SNX25: variants seen among roughly 807,000 people sequenced by gnomAD.
SNX25 encodes the protein sorting nexin 25, also known as sorting nexin-25.
Under a neutral mutation model 113.7 loss-of-function variants are expected in SNX25, and 62 were observed. That is an observed-to-expected ratio of 0.55 (90% CI 0.44 to 0.67). The LOEUF is 0.67. SNX25 is among the 30% of genes least tolerant of loss of function. SNX25 has a pLI of 0.00. For synonymous variants in SNX25, 421 were observed against 436.2 expected (o/e 0.97, Z 0.43); for missense variants, 1,014 against 1,161.0 (o/e 0.87, Z 1.84).
At position 185,258,928 on chromosome 4, in the gene SNX25, C is replaced by T. The variant is rs1432631488; in HGVS notation, c.595C>T (p.Leu199Phe). 1 of 1,614,124 alleles carries T rather than the reference C, an allele frequency of 6.2e-7. No homozygotes were observed. Among genetic ancestry groups the T allele is most frequent in the South Asian group, 1.1e-5 (1 of 91,078 alleles). ...AGATGAGGGACAACTTTACCATCTG[C>T]TCTTGGAAGACTTTTGGGAAATTGC... ...SRDEGQLYHL[L>F]LEDFWEIARQ... The change falls in exon 3 of 19, where the codon CTC becomes TTC. Residue 199 changes from leucine to phenylalanine, a missense_variant. By Grantham distance (22) the Leu-to-Phe change is conservative. Transcript: ENST00000652585.
chr4:185,268,719 C>T (rs912606673), intron 5 of SNX25, among the ~76,000 whole-genome samples: 10 of 152,062 alleles, frequency 6.6e-5, no homozygotes, highest in Admixed American at 3.9e-4. Context: ...TTTTCTGATT[C>T]GAATAAAGCA....
At position 185,209,979 on chromosome 4, in the gene SNX25, C is replaced by T. The variant is rs1313951737; in HGVS notation, c.153C>T (p.Ala51=). The T allele has an allele frequency of 3.1e-6, 3 of 983,486 alleles. No individual in the cohort carries two copies. Among genetic ancestry groups the T allele is most frequent in the Non-Finnish European group, 3.6e-6 (3 of 829,090 alleles). 60.9% of individuals were successfully genotyped at this position (983,486 alleles called of 1,614,324 possible). ...CAGCAGCAGCGGCGGCGCCGGGGGC[C>T]CCGGGCGGCCGGAGCTGGTGGAAGC... ...AEAAAAAAPG[A]PGGRSWWKPV... The change falls in exon 1 of 19, where the codon GCC becomes GCT. Residue 51 remains alanine (A), a synonymous_variant. Coordinates refer to ENST00000652585, the MANE Select transcript of SNX25 (RefSeq NM_001378034.2). The surrounding 1 kb of genome is among the most constrained non-coding windows in gnomAD (Gnocchi z 5.2).
At chr4:185,295,755 G>A (rs1223374222) in intron 6 of SNX25, 2 of 152,154 alleles carry the variant, frequency 1.3e-5, no homozygotes, top group Non-Finnish European at 2.9e-5. Flanking sequence ...CCTGGCAAGT[G>A]TTTTTGAATC....
At position 185,210,518 on chromosome 4, in the gene SNX25, C is replaced by T. The variant is rs1413327745; in HGVS notation, c.429+263C>T. ...ACTGGGCTCTGTAGTCACTCGACAA[C>T]CATCCTCAGTCACAACCCTAAGGGT... is the stretch of plus-strand genomic sequence containing the variant. On this transcript the variant is annotated intron_variant, in intron 1 of 18. Transcript: ENST00000652585. This position sits in a 1 kb window ranked among gnomAD's most constrained non-coding sequence, Gnocchi z 4.4. Among the ~76,000 whole-genome samples the T allele has an allele frequency of 6.6e-6, 1 of 152,198 alleles. No individual in the cohort carries two copies. Among genetic ancestry groups the T allele is most frequent in the East Asian group, 1.9e-4 (1 of 5,182 alleles).
intron 9 of SNX25, among the ~76,000 whole-genome samples, chr4:185,331,967 A>G (rs1021195626): frequency 6.6e-6 from 1 of 152,252 alleles, no homozygotes; most frequent in Admixed American, 6.5e-5. Flanking sequence ...AGTGCCCTGC[A>G]TTGCTGTTGC....
intron 3 of SNX25, among the ~76,000 whole-genome samples, chr4:185,263,414 C>G (rs1257221525): frequency 6.6e-6 from 1 of 152,158 alleles, no homozygotes; most frequent in East Asian, 1.9e-4. Flanking sequence ...TTTAAAAAGT[C>G]AGCGTATCAG....
Position 185,342,026 on chromosome 4 carries a change from C to T in SNX25, c.2097C>T (p.Ser699=), listed in dbSNP as rs931748990. The part of the protein sequence containing the change: ...EQLPCYFVMV[S]LQEVGGVETK... ...TGCCATGTTACTTTGTCATGGTAAGCCTACAAGAAGTTGGAGGAGTTGAAA... is the reference window on the plus strand; with the variant it reads ...TGCCATGTTACTTTGTCATGGTAAGTCTACAAGAAGTTGGAGGAGTTGAAA... The change falls in exon 12 of 19, where the codon AGC becomes AGT. Residue 699 remains serine, a synonymous_variant. Coordinates refer to ENST00000652585, the MANE Select transcript of SNX25 (RefSeq NM_001378034.2). The T allele has an allele frequency of 1.9e-5, 30 of 1,611,218 alleles. 1 individual carries two copies. The highest frequency in any genetic ancestry group is 3.3e-4 in the Middle Eastern group (2 of 6,070).
intron 9 of SNX25, among the ~76,000 whole-genome samples, chr4:185,326,563 A>G (rs1396141449): frequency 6.6e-6 from 1 of 152,204 alleles, no homozygotes; most frequent in Non-Finnish European, 1.5e-5. Context: ...TATAATTACT[A>G]CTGATAACAT....
In SNX25 at chr4:185,210,397, C is replaced by T. The variant is rs1359812588; in HGVS notation, c.429+142C>T. The T allele has an allele frequency of 4.7e-6, 4 of 845,596 alleles. No individual in the cohort carries two copies. Among genetic ancestry groups the T allele is most frequent in the East Asian group, 1.2e-4 (1 of 8,670 alleles). 52.4% of individuals were successfully genotyped at this position (845,596 alleles called of 1,614,324 possible). On this transcript the variant is annotated intron_variant, in intron 1 of 18. Transcript: ENST00000652585. This position sits in a 1 kb window ranked among gnomAD's most constrained non-coding sequence, Gnocchi z 4.4. ...GAGCCAGGGGGCTGGGCTGCGGGCC[C>T]GGCCGTGGACGCGAGCGTTCCCCGG...
intron 1 of SNX25, among the ~76,000 whole-genome samples, chr4:185,213,481 T>C (rs1738264853): frequency 6.6e-6 from 1 of 152,184 alleles, no homozygotes; most frequent in Non-Finnish European, 1.5e-5. Context: ...TTAGAAAAAC[T>C]TGGACTCTTG....
rs532296768 is a variant in SNX25, at chr4:185,346,825, C to T, written c.2301+175C>T. Among the ~76,000 whole-genome samples the T allele has an allele frequency of 5.5e-4, 84 of 152,112 alleles. 1 individual carries two copies. Among genetic ancestry groups the T allele is most frequent in the African/African-American group, 1.9e-3 (80 of 41,482 alleles). On this transcript the variant is annotated intron_variant, in intron 13 of 18. Transcript: ENST00000652585. Reference sequence around the variant, plus strand: ...AGGAAAATACACATATAAAAATACACGTAAGTGTATAACTGTCTCCGTTTC... The same window carrying T: ...AGGAAAATACACATATAAAAATACATGTAAGTGTATAACTGTCTCCGTTTC...
chr4:185,287,989 T>C (rs186105750), intron 5 of SNX25, 23 bp from the exon 6 acceptor site: 64 of 1,581,428 alleles, frequency 4.0e-5, no homozygotes, highest in Admixed American at 3.1e-4. Flanking sequence ...TAAATCTTTT[T>C]CTTTTCTCTT....
intron 6 of SNX25, among the ~76,000 whole-genome samples, chr4:185,301,389 T>TA (rs1250632683): frequency 2.0e-5 from 3 of 152,158 alleles, no homozygotes; most frequent in Non-Finnish European, 4.4e-5. Flanking sequence ...ACTTTTTTTT[T>TA]ATTACCTTTG....
chr4:185,327,667 T>C (rs957731667), intron 9 of SNX25, among the ~76,000 whole-genome samples: 2 of 152,234 alleles, frequency 1.3e-5, no homozygotes, highest in African/African-American at 4.8e-5. Flanking sequence ...GAAACAAAGA[T>C]GGTAACAGTC....
rs543365899 is a variant in SNX25, at chr4:185,336,753, G to A, written c.1915-2626G>A. 8.5e-5 allele frequency among the ~76,000 whole-genome samples: 13 copies of A among 152,264 alleles called. No individual in the cohort carries two copies. In the South Asian group the frequency reaches 2.3e-3, roughly 27 times the overall value. On this transcript the variant is annotated intron_variant, in intron 10 of 18. Coordinates refer to ENST00000652585, the MANE Select transcript of SNX25 (RefSeq NM_001378034.2). ...AATCTCCATACTTTTTTCCATAGTG[G>A]TTGTACTAGTTTACGTTCCCACCAA...
downstream of SNX25, among the ~76,000 whole-genome samples, chr4:185,371,799 G>T (rs185542240): frequency 3.9e-5 from 6 of 152,136 alleles, no homozygotes; most frequent in Non-Finnish European, 7.4e-5. Context: ...CCTGGAGCCC[G>T]AGACGCTGGG....
intron 2 of SNX25, among the ~76,000 whole-genome samples, chr4:185,253,715 G>A (rs1226810128): frequency 6.6e-6 from 1 of 152,002 alleles, no homozygotes; most frequent in African/African-American, 2.4e-5. Context: ...GTGATCCACC[G>A]GCCTTGGCCT....
At chr4:185,214,168 C>T (rs1738392126) in intron 1 of SNX25, among the ~76,000 whole-genome samples, 1 of 152,006 alleles carries the variant, frequency 6.6e-6, no homozygotes, top group Non-Finnish European at 1.5e-5. Flanking sequence ...CGCTAACATG[C>T]CCAGCCCTTA....
downstream of SNX25, among the ~76,000 whole-genome samples, chr4:185,374,862 C>T (rs376102309): frequency 4.6e-5 from 7 of 152,228 alleles, no homozygotes; most frequent in East Asian, 5.8e-4. Context: ...ATAATTCTTA[C>T]GATACACTTG....
Sources: allele counts gnomAD v4.1 joint callset (sites outside exome capture counted in the v4.1 genomes callset), GRCh38; gene constraint gnomAD v4.1.1; non-coding constraint Gnocchi (gnomAD v3.1); transcripts MANE v1.5; gene names NCBI Gene and HGNC (gene_info 2026-07-23, HGNC 2026-07-21).